The following SLTM variants were observed in gnomAD, a reference collection of about 807,000 sequenced individuals.
SLTM encodes the protein SAFB-like transcription modulator.
Under a neutral mutation model 134.6 loss-of-function variants are expected in SLTM, and 43 were observed. The observed-to-expected ratio is 0.32, with a 90% confidence interval of 0.25 to 0.41. The LOEUF (loss-of-function observed/expected upper bound fraction) is 0.41. Ranked by LOEUF, SLTM falls within the 10% of genes least tolerant of loss-of-function variation. SLTM has a pLI of 1.00. For missense variants in SLTM, 1,055 were observed against 1,288.8 expected (o/e 0.82, Z 2.78); for synonymous variants, 424 against 432.3 (o/e 0.98, Z 0.24).
Position 58,880,011 on chromosome 15 carries a change from C to A in SLTM, c.3093G>T (p.Pro1031=), listed in dbSNP as rs199687843. ...AGAGAGCTCATTTTCAGAATCGTCG[C>A]GGAGGTCCACCCTTAAATGGCTTAA... ...SGFKPFKGGP[P]RRF The change falls in exon 21 of 21, where the codon CCG becomes CCT. Residue 1031 remains proline (P), a synonymous_variant. Coordinates refer to ENST00000380516, the MANE Select transcript of SLTM (RefSeq NM_024755.4). The A allele has an allele frequency of 9.3e-6, 15 of 1,613,442 alleles. No homozygotes were observed. The highest frequency in any genetic ancestry group is 2.5e-6 in the Non-Finnish European group (3 of 1,179,758).
chr15:58,884,411 C>T (rs918769594), intron 19 of SLTM, among the ~76,000 whole-genome samples: 18 of 152,038 alleles, frequency 1.2e-4, no homozygotes, highest in Non-Finnish European at 1.8e-4. Context: ...CTCCGCCCCC[C>T]GGATTCAAGC....
At chr15:58,887,664 G>GA (rs1567107043) in intron 17 of SLTM, 124 bp from the exon 18 acceptor site, 1 of 1,452,784 alleles carries the variant, frequency 6.9e-7, no homozygotes, top group Middle Eastern at 1.8e-4. Context: ...CAAAGCCATG[G>GA]AAAAAAGCTA....
chr15:58,903,694 A>AATG (rs1207964562), intron 5 of SLTM, among the ~76,000 whole-genome samples: 1 of 149,922 alleles, frequency 6.7e-6, no homozygotes, highest in African/African-American at 2.4e-5. Flanking sequence ...TAATAATAAT[A>AATG]ATAATAAAAA....
At position 58,891,525 on chromosome 15, in the gene SLTM, A is replaced by G. The variant is rs79094569; in HGVS notation, c.1899-1064T>C. 5.3e-3 allele frequency among the ~76,000 whole-genome samples: 806 copies of G among 152,312 alleles called. 3 individuals are homozygous for G. Among genetic ancestry groups the G allele is most frequent in the African/African-American group, 0.018 (755 of 41,580 alleles). The stretch of plus-strand genomic sequence containing the variant: ...TTATACTTTCTTGCGACTTTTACCA[A>G]GAGTTGCTCACCATTTCAGAAATCA... On this transcript the variant is annotated intron_variant, in intron 14 of 20. Coordinates refer to ENST00000380516, the MANE Select transcript of SLTM (RefSeq NM_024755.4).
chr15:58,893,466 T>C, intron 12 of SLTM, 102 bp from the exon 13 acceptor site: 1 of 777,416 alleles, frequency 1.3e-6, no homozygotes, highest in Admixed American at 3.0e-5. Context: ...CACCAATACA[T>C]GAAATAAAAA....
At chr15:58,904,634 C>G (rs1200053065) in intron 5 of SLTM, among the ~76,000 whole-genome samples, 2 of 151,480 alleles carry the variant, frequency 1.3e-5, no homozygotes, top group African/African-American at 2.4e-5. Flanking sequence ...CAAACCTCTG[C>G]CTCCCGGGTT....
chr15:58,913,104 T>A (rs577891090), intron 4 of SLTM, among the ~76,000 whole-genome samples: 1 of 152,204 alleles, frequency 6.6e-6, no homozygotes, highest in Non-Finnish European at 1.5e-5. Context: ...CCAAGTAATG[T>A]TGGCAATGCC....
chr15:58,917,551 G>A (rs1312026407), intron 2 of SLTM, among the ~76,000 whole-genome samples: 1 of 152,104 alleles, frequency 6.6e-6, no homozygotes, highest in African/African-American at 2.4e-5. Flanking sequence ...TAAATACAGT[G>A]ACTACTTTTA....
intron 5 of SLTM, among the ~76,000 whole-genome samples, chr15:58,909,690 G>C (rs1414127322): frequency 2.6e-5 from 4 of 152,206 alleles, no homozygotes; most frequent in African/African-American, 7.2e-5. Context: ...TGTGTGTGCT[G>C]GAGTGGGGTG....
chr15:58,887,163 C>G (rs1346501830), intron 18 of SLTM, 44 bp from the exon 19 acceptor site: 1 of 1,612,424 alleles, frequency 6.2e-7, no homozygotes, highest in African/African-American at 1.3e-5. Context: ...AAACTGTAAT[C>G]TTAACTTTTT....
intron 4 of SLTM, 126 bp downstream of exon 4, chr15:58,913,373 T>C (rs544130199): frequency 4.5e-5 from 34 of 750,052 alleles, no homozygotes; most frequent in African/African-American, 2.8e-4. Context: ...AGATGACTTA[T>C]AAGTAGCTTT....
Position 58,893,024 on chromosome 15 carries a change from G to C in SLTM, c.1771C>G (p.Leu591Val). 2 of 1,603,876 alleles carry C rather than the reference G, an allele frequency of 1.2e-6. No individual in the cohort carries two copies. Among genetic ancestry groups the C allele is most frequent in the Non-Finnish European group, 1.7e-6 (2 of 1,177,486 alleles). The change falls in exon 14 of 21, where the codon CTA becomes GTA. Residue 591 changes from leucine to valine, a missense_variant. This residue lies in a region of SLTM where 776 missense variants were observed against 962.2 expected (regional missense o/e 0.81). Transcript: ENST00000380516. ...GRSKEKERAS[L>V]DKKRDKDYRR... ...TAGTCTTTATCTCTTTTTTTATCTA[G>C]ACTAGCTCTCTCCTTTTCCTTACTT...
chr15:58,886,051 C>CA (rs1452942637), intron 19 of SLTM, among the ~76,000 whole-genome samples: 3 of 152,080 alleles, frequency 2.0e-5, no homozygotes, highest in Non-Finnish European at 4.4e-5. Context: ...CTGTCCAGCT[C>CA]ATTAACTTAC....
intron 2 of SLTM, among the ~76,000 whole-genome samples, chr15:58,917,398 T>A (rs1158232666): frequency 6.6e-6 from 1 of 152,230 alleles, no homozygotes; most frequent in Non-Finnish European, 1.5e-5. Context: ...GCCTTTCCTA[T>A]GTTCTTCTCT....
chr15:58,903,083 G>A (rs1294957767), intron 5 of SLTM, among the ~76,000 whole-genome samples: 1 of 151,988 alleles, frequency 6.6e-6, no homozygotes, highest in Non-Finnish European at 1.5e-5. Context: ...TGTATTTTTA[G>A]TAGAGATGGG....
chr15:58,891,456 T>G (rs768127112), intron 14 of SLTM, among the ~76,000 whole-genome samples: 2 of 152,220 alleles, frequency 1.3e-5, no homozygotes, highest in African/African-American at 2.4e-5. Flanking sequence ...ATTTCTATAA[T>G]CTAGAATTTC....
At chr15:58,888,836 C>A in intron 16 of SLTM, 1 of 266,080 alleles carries the variant, frequency 3.8e-6, no homozygotes, top group Non-Finnish European at 7.1e-6. Context: ...GAAATGATAC[C>A]ATTAAATGGA....
Position 58,922,659 on chromosome 15 carries a change from TA to T in SLTM, c.251-5661del, listed in dbSNP as rs370927963. Among the ~76,000 whole-genome samples, 134 of 147,388 alleles carry T rather than the reference TA, an allele frequency of 9.1e-4. No individual in the cohort carries two copies. In the South Asian group the frequency reaches 0.023, roughly 26 times the overall value. ...ATATATTATATATTATATGCGTATA[TA>T]AAAAATATATAAAATATATAATATA... On this transcript the variant is annotated intron_variant, in intron 2 of 20. Transcript: ENST00000380516.
At chr15:58,929,727 C>A (rs1323111763) in intron 2 of SLTM, among the ~76,000 whole-genome samples, 2 of 151,770 alleles carry the variant, frequency 1.3e-5, no homozygotes, top group Non-Finnish European at 2.9e-5. Flanking sequence ...CTAAAATAAT[C>A]TTATCACTTT....
Sources: allele counts gnomAD v4.1 joint callset (sites outside exome capture counted in the v4.1 genomes callset), GRCh38; gene constraint gnomAD v4.1.1; regional missense constraint gnomAD v4.1.1; transcripts MANE v1.5; gene names NCBI Gene and HGNC (gene_info 2026-07-23, HGNC 2026-07-21).